Variants in CERKL observed in about 807,000 individuals in gnomAD.
The protein encoded by CERKL is CERK like autophagy regulator, also known as ceramide kinase-like protein.
In CERKL, 61 loss-of-function variants were observed where a neutral mutation model predicts 63.4. That is an observed-to-expected ratio of 0.96 (90% CI 0.78 to 1.19). The LOEUF (loss-of-function observed/expected upper bound fraction) is 1.19, where lower values mean the gene tolerates loss of function less well. CERKL is among the 50% of genes most tolerant of loss of function. CERKL has a pLI of 0.00. For missense variants in CERKL, 675 were observed against 655.5 expected (o/e 1.03, Z -0.33); for synonymous variants, 250 against 230.5 (o/e 1.08, Z -0.77).
chr2:181,616,288 A>G, intron 1 of CERKL, among the ~76,000 whole-genome samples: 1 of 137,276 alleles, frequency 7.3e-6, no homozygotes, highest in East Asian at 2.1e-4. Context: ...ATCTTGGCTC[A>G]CTGCAAGCTC....
At chr2:181,598,452 CT>C (rs937789404) in intron 2 of CERKL, among the ~76,000 whole-genome samples, 24 of 152,070 alleles carry the variant, frequency 1.6e-4, no homozygotes, top group African/African-American at 5.6e-4. Context: ...GCACCTCCCC[CT>C]ATCTCCCCCC....
Position 181,592,503 on chromosome 2 carries a change from C to T in CERKL, c.481+11334G>A, listed in dbSNP as rs563024591. Among the ~76,000 whole-genome samples, 8 of 152,178 alleles carry T rather than the reference C, an allele frequency of 5.3e-5. No individual in the cohort carries two copies. The South Asian group carries it at 1.0e-3, about 20-fold the overall frequency. On this transcript the variant is annotated intron_variant, in intron 2 of 12. Transcript: ENST00000410087. ...ACTTTTTGAGTATTTATATATTTGA[C>T]GCCCAGTTACATATACAACCAAGGT... is the stretch of plus-strand genomic sequence containing the variant.
At chr2:181,630,828 T>C (rs1472809450) in intron 1 of CERKL, among the ~76,000 whole-genome samples, 2 of 152,220 alleles carry the variant, frequency 1.3e-5, no homozygotes, top group African/African-American at 2.4e-5. Context: ...CTTTAGCATC[T>C]CTGAATTTTC....
Position 181,543,157 on chromosome 2 carries a change from G to C in CERKL, c.1365+1543C>G, listed in dbSNP as rs1687581726. ...TCGGAAAAAATTCTACCAAGGTAAT[G>C]ACACTAATCTTGAGGAACATGGAAT... On this transcript the variant is annotated intron_variant, in intron 11 of 12. Coordinates refer to ENST00000410087, the MANE Select transcript of CERKL (RefSeq NM_201548.5). Among the ~76,000 whole-genome samples, 4 of 152,296 alleles carry C rather than the reference G, an allele frequency of 2.6e-5. No homozygotes were observed. In the South Asian group the frequency reaches 6.2e-4, roughly 24 times the overall value.
At chr2:181,650,095 GAGGGAGGGAGGGAGGGAGGAAGGAAGGA>G (rs1231471287) in intron 1 of CERKL, 2 of 66,716 alleles carry the variant, frequency 3.0e-5, no homozygotes, top group Non-Finnish European at 6.2e-5. Flanking sequence ...GGGAGGGAGG[GAGGGAGGGAGGGAGGGAGGAAGGAAGGA>G]AGGAAGGAAG....
chr2:181,555,010 A>G (rs546258698), intron 5 of CERKL, among the ~76,000 whole-genome samples: 55 of 152,320 alleles, frequency 3.6e-4, no homozygotes, highest in African/African-American at 1.3e-3. Flanking sequence ...TGGCATTACT[A>G]CAAATATCCA....
At chr2:181,604,301 C>T (rs921008053) in intron 1 of CERKL, among the ~76,000 whole-genome samples, 4 of 151,656 alleles carry the variant, frequency 2.6e-5, no homozygotes, top group African/African-American at 9.7e-5. Flanking sequence ...TACCCCAGAA[C>T]CTAAAAGTTA....
At chr2:181,585,901 T>C (rs1684742303) in intron 2 of CERKL, among the ~76,000 whole-genome samples, 1 of 152,148 alleles carries the variant, frequency 6.6e-6, no homozygotes, top group Non-Finnish European at 1.5e-5. Context: ...TGCCTTATCC[T>C]AGACTTGAAC....
chr2:181,626,481 G>T (rs925814443), intron 1 of CERKL, among the ~76,000 whole-genome samples: 3 of 152,152 alleles, frequency 2.0e-5, no homozygotes, highest in African/African-American at 7.2e-5. Context: ...CAGTTAGCAG[G>T]TGGGTCAACC....
intron 2 of CERKL, among the ~76,000 whole-genome samples, chr2:181,591,002 A>G (rs1448062209): frequency 6.6e-6 from 1 of 152,176 alleles, no homozygotes. Flanking sequence ...AACAGTCAAA[A>G]TGTCCACACA....
At chr2:181,560,484 A>G (rs1056825123) in intron 4 of CERKL, among the ~76,000 whole-genome samples, 3 of 152,194 alleles carry the variant, frequency 2.0e-5, no homozygotes, top group African/African-American at 7.2e-5. Flanking sequence ...AATACAAATG[A>G]CAATTATAAC....
At chr2:181,573,313 C>T (rs778751509) in intron 3 of CERKL, among the ~76,000 whole-genome samples, 5 of 152,128 alleles carry the variant, frequency 3.3e-5, no homozygotes, top group Non-Finnish European at 7.4e-5. Context: ...ACCAGCAGTT[C>T]AGTGCTTAGT....
At chr2:181,612,699 A>G (rs1686018198) in intron 1 of CERKL, among the ~76,000 whole-genome samples, 1 of 152,076 alleles carries the variant, frequency 6.6e-6, no homozygotes, top group Non-Finnish European at 1.5e-5. Flanking sequence ...ATCTTCCTCA[A>G]TCTCCAACCA....
chr2:181,559,144 AT>A (rs1464470892), intron 4 of CERKL, among the ~76,000 whole-genome samples: 2 of 152,206 alleles, frequency 1.3e-5, no homozygotes, highest in Non-Finnish European at 2.9e-5. Flanking sequence ...AGCAATAAAA[AT>A]CATATAAAAT....
At chr2:181,611,151 A>C (rs1028097085) in intron 1 of CERKL, among the ~76,000 whole-genome samples, 8 of 152,104 alleles carry the variant, frequency 5.3e-5, no homozygotes, top group Admixed American at 1.3e-4. Flanking sequence ...TGAACCCAGG[A>C]GGCGGAGGTT....
rs549986396 is a variant in CERKL at position 181,656,844 on chromosome 2, C to G, written c.163G>C (p.Gly55Arg). The change falls in exon 1 of 13, where the codon GGG becomes CGG. Residue 55 changes from glycine (G) to arginine (R), a missense_variant. Transcript: ENST00000410087. ...AGCACCACGTCACAACTGTCCCTCCCGATCTCGAAGATGCCCCGGAGCAGA... is the reference window on the plus strand; with the variant it reads ...AGCACCACGTCACAACTGTCCCTCCGGATCTCGAAGATGCCCCGGAGCAGA... ...RILLRGIFEI[G>R]RDSCDVVLSE... The G allele has an allele frequency of 1.2e-5, 20 of 1,604,732 alleles. No homozygotes were observed. Among genetic ancestry groups the G allele is most frequent in the African/African-American group, 2.7e-5 (2 of 74,464 alleles).
Position 181,544,910 on chromosome 2 carries a change from G to A in CERKL, c.1269-114C>T, listed in dbSNP as rs1687656908. ...ACTGTTTACTGAAAGTATTGGACAA[G>A]ATAGATAAATCACCATGTTACGTTT... On this transcript the variant is annotated intron_variant, in intron 10 of 12. Coordinates refer to ENST00000410087, the MANE Select transcript of CERKL (RefSeq NM_201548.5). The A allele has an allele frequency of 3.2e-5, 19 of 600,656 alleles. No individual in the cohort carries two copies. The Middle Eastern group carries it at 1.3e-3, about 43-fold the overall frequency. 37.2% of individuals were successfully genotyped at this position (600,656 alleles called of 1,614,324 possible).
At chr2:181,645,160 C>G (rs1459500602) in intron 1 of CERKL, among the ~76,000 whole-genome samples, 1 of 152,220 alleles carries the variant, frequency 6.6e-6, no homozygotes, top group East Asian at 1.9e-4. Flanking sequence ...ACTGGCGATT[C>G]ATTTAAGAAT....
chr2:181,575,641 C>T (rs918272870), intron 2 of CERKL, among the ~76,000 whole-genome samples: 3 of 152,152 alleles, frequency 2.0e-5, no homozygotes, highest in East Asian at 3.9e-4. Flanking sequence ...CCTCATCCCA[C>T]CCCTGAGCAA....
Sources: gnomAD v4.1 joint callset for allele counts (sites outside exome capture counted in the v4.1 genomes callset) on GRCh38, gnomAD v4.1.1 for gene constraint, MANE v1.5 for transcripts, NCBI Gene and HGNC (gene_info 2026-07-23, HGNC 2026-07-21) for gene names.